MAGI2: variants seen among roughly 807,000 people sequenced by gnomAD.
MAGI2 encodes membrane associated guanylate kinase, WW and PDZ domain containing 2, also known as membrane-associated guanylate kinase, WW and PDZ domain-containing protein 2.
Under a neutral mutation model 133.3 loss-of-function variants are expected in MAGI2, and 35 were observed. That is an observed-to-expected ratio of 0.26 (90% CI 0.20 to 0.35). MAGI2 has a LOEUF of 0.35. MAGI2 is among the 10% of genes least tolerant of loss of function. MAGI2 has a pLI of 1.00. For synonymous variants in MAGI2, 729 were observed against 710.6 expected (o/e 1.03, Z -0.41); for missense variants, 1,636 against 1,863.4 (o/e 0.88, Z 2.25).
At chr7:78,743,001 G>C (rs1463686765) in intron 2 of MAGI2, among the ~76,000 whole-genome samples, 2 of 152,180 alleles carry the variant, frequency 1.3e-5, no homozygotes, top group East Asian at 3.9e-4. Context: ...GCCCTCTCTT[G>C]TCCTAGCTCC....
At chr7:79,181,796 C>A (rs1168103503) in intron 1 of MAGI2, among the ~76,000 whole-genome samples, 1 of 152,002 alleles carries the variant, frequency 6.6e-6, no homozygotes, top group Admixed American at 6.6e-5. Context: ...CCCAAGTCAT[C>A]TCTTGAATGC....
chr7:78,020,607 T>A (rs866883878), intron 21 of MAGI2, among the ~76,000 whole-genome samples: 2 of 152,226 alleles, frequency 1.3e-5, no homozygotes, highest in Middle Eastern at 6.8e-3. Flanking sequence ...TCTCATAATC[T>A]TTTAAGAAAG....
intron 6 of MAGI2, among the ~76,000 whole-genome samples, chr7:78,445,894 T>C (rs891173147): frequency 6.6e-6 from 1 of 151,864 alleles, no homozygotes; most frequent in Non-Finnish European, 1.5e-5. Context: ...ATTTCTTTCA[T>C]ATATTTGTTT....
At chr7:78,805,157 A>G (rs1583963604) in intron 2 of MAGI2, among the ~76,000 whole-genome samples, 1 of 152,104 alleles carries the variant, frequency 6.6e-6, no homozygotes, top group South Asian at 2.1e-4. Context: ...CTAAATATCT[A>G]GGCAGGGGGA....
At chr7:78,977,863 T>TA (rs1157455984) in intron 2 of MAGI2, among the ~76,000 whole-genome samples, 3 of 151,516 alleles carry the variant, frequency 2.0e-5, no homozygotes, top group South Asian at 2.1e-4. Context: ...TGCAAACCAA[T>TA]AAAAAACAGG....
intron 2 of MAGI2, among the ~76,000 whole-genome samples, chr7:78,817,305 T>C (rs568244789): frequency 2.0e-5 from 3 of 152,310 alleles, no homozygotes; most frequent in South Asian, 2.1e-4. Context: ...ATTATTTATA[T>C]GACAACAAAG....
intron 2 of MAGI2, among the ~76,000 whole-genome samples, chr7:78,993,140 T>C (rs575217108): frequency 2.0e-5 from 3 of 152,218 alleles, no homozygotes; most frequent in African/African-American, 7.2e-5. Context: ...AATACACTGA[T>C]AATGCATAAC....
chr7:79,134,691 A>T (rs1821218955), intron 1 of MAGI2, among the ~76,000 whole-genome samples: 1 of 152,230 alleles, frequency 6.6e-6, no homozygotes, highest in Non-Finnish European at 1.5e-5. Flanking sequence ...ATATTGTCAA[A>T]TTGCTTTGCA....
At chr7:78,828,455 A>G (rs1790859457) in intron 2 of MAGI2, among the ~76,000 whole-genome samples, 1 of 152,194 alleles carries the variant, frequency 6.6e-6, no homozygotes, top group Non-Finnish European at 1.5e-5. Flanking sequence ...CAATCAAAAC[A>G]TCAAAGAAAT....
At chr7:79,307,888 T>C (rs1837950348) in intron 1 of MAGI2, among the ~76,000 whole-genome samples, 1 of 152,200 alleles carries the variant, frequency 6.6e-6, no homozygotes, top group Non-Finnish European at 1.5e-5. Context: ...AGAAACTGCC[T>C]TATTCTGAAA....
rs772853142 is a variant in MAGI2 at position 79,419,917 on chromosome 7, A to AT, written c.301+33102dup. Among the ~76,000 whole-genome samples the AT allele has an allele frequency of 2.6e-5, 4 of 152,168 alleles. No homozygotes were observed. The South Asian group carries it at 8.3e-4, about 32-fold the overall frequency. ...GGAAATACATTATTTTCCCCCTTGA[A>AT]TAAAATGTCCACCTACATATACCTA... On this transcript the variant is annotated intron_variant, in intron 1 of 21. Coordinates refer to ENST00000354212, the MANE Select transcript of MAGI2 (RefSeq NM_012301.4).
intron 1 of MAGI2, among the ~76,000 whole-genome samples, chr7:79,095,131 A>G (rs1817409839): frequency 6.6e-6 from 1 of 152,172 alleles, no homozygotes; most frequent in African/African-American, 2.4e-5. Flanking sequence ...TACCCTCATC[A>G]ATTATCTTAG....
At chr7:79,050,608 C>T (rs531232789) in intron 1 of MAGI2, among the ~76,000 whole-genome samples, 1 of 152,250 alleles carries the variant, frequency 6.6e-6, no homozygotes, top group South Asian at 2.1e-4. Context: ...TCTCAAAACT[C>T]CTGGCCTCAA....
chr7:79,419,185 C>T (rs1212322772), intron 1 of MAGI2, among the ~76,000 whole-genome samples: 3 of 151,896 alleles, frequency 2.0e-5, no homozygotes, highest in African/African-American at 7.2e-5. Context: ...CTTGTTTTCT[C>T]CTTTGTATAT....
At chr7:78,044,440 C>G (rs1304415393) in intron 21 of MAGI2, among the ~76,000 whole-genome samples, 1 of 152,216 alleles carries the variant, frequency 6.6e-6, no homozygotes, top group African/African-American at 2.4e-5. Context: ...TCTGCAGACT[C>G]TAGATTCTCC....
chr7:78,113,844 T>C (rs1479797649), intron 20 of MAGI2, among the ~76,000 whole-genome samples: 1 of 152,180 alleles, frequency 6.6e-6, no homozygotes, highest in Non-Finnish European at 1.5e-5. Flanking sequence ...TTCAGAAATA[T>C]TGAACTAGGC....
chr7:78,479,615 A>C (rs571450713), intron 6 of MAGI2, among the ~76,000 whole-genome samples: 2 of 151,920 alleles, frequency 1.3e-5, no homozygotes, highest in South Asian at 4.1e-4. Flanking sequence ...ACAGGCCAGA[A>C]CCTACATACC....
rs1171272851 is a variant in MAGI2, at chr7:79,190,573, T to C, written c.302-183367A>G. Among the ~76,000 whole-genome samples, 5 of 151,898 alleles carry C rather than the reference T, an allele frequency of 3.3e-5. No individual in the cohort carries two copies. In the East Asian group the frequency reaches 9.7e-4, roughly 29 times the overall value. ...AATATTTTCTCCTAGTTTTACTTTT[T>C]CATTCTCTTAATTGCCCATTAAAAA... On this transcript the variant is annotated intron_variant, in intron 1 of 21. Transcript: ENST00000354212.
intron 1 of MAGI2, among the ~76,000 whole-genome samples, chr7:79,016,114 G>C (rs1808704041): frequency 6.6e-6 from 1 of 151,994 alleles, no homozygotes; most frequent in Non-Finnish European, 1.5e-5. Flanking sequence ...CTGGCAGAGA[G>C]AGCTGCTTAG....
Sources: allele counts gnomAD v4.1 joint callset (sites outside exome capture counted in the v4.1 genomes callset), GRCh38; gene constraint gnomAD v4.1.1; transcripts MANE v1.5; gene names NCBI Gene and HGNC (gene_info 2026-07-23, HGNC 2026-07-21).